SPIRE1: variants seen among roughly 807,000 people sequenced by gnomAD.
SPIRE1 encodes the protein protein spire homolog 1.
SPIRE1 carries 40 observed loss-of-function variants against 94.1 expected under a neutral mutation model. The observed-to-expected ratio is 0.43, with a 90% CI of 0.33 to 0.55. The LOEUF (loss-of-function observed/expected upper bound fraction) is 0.55. SPIRE1 is among the 20% of genes least tolerant of loss of function. The pLI is 0.06. For synonymous variants in SPIRE1, 376 were observed against 371.7 expected (o/e 1.01, Z -0.13); for missense variants, 838 against 975.2 (o/e 0.86, Z 1.87).
At chr18:12,553,722 A>G (rs757765252) in intron 2 of SPIRE1, among the ~76,000 whole-genome samples, 47 of 152,276 alleles carry the variant, frequency 3.1e-4, no homozygotes, top group Non-Finnish European at 5.6e-4. Flanking sequence ...AAACAAACAA[A>G]CAAACAAAAC....
intron 2 of SPIRE1, among the ~76,000 whole-genome samples, chr18:12,551,810 A>C (rs1179054243): frequency 6.6e-6 from 1 of 152,168 alleles, no homozygotes; most frequent in African/African-American, 2.4e-5. Context: ...AACTATCACA[A>C]AAACGGCACC....
At chr18:12,639,710 C>T (rs1406762098) in intron 1 of SPIRE1, among the ~76,000 whole-genome samples, 2 of 151,444 alleles carry the variant, frequency 1.3e-5, no homozygotes, top group East Asian at 1.9e-4. Flanking sequence ...CCAGCCTGGG[C>T]GCAAGAATGA....
At chr18:12,637,744 G>A (rs750119658) in intron 1 of SPIRE1, among the ~76,000 whole-genome samples, 2 of 152,204 alleles carry the variant, frequency 1.3e-5, no homozygotes, top group Non-Finnish European at 2.9e-5. Context: ...TGGGAAATTG[G>A]CTGATTTCAG....
At chr18:12,582,042 C>T (rs2144538940) in intron 2 of SPIRE1, among the ~76,000 whole-genome samples, 1 of 152,272 alleles carries the variant, frequency 6.6e-6, no homozygotes, top group African/African-American at 2.4e-5. Flanking sequence ...TTCCTAACTC[C>T]ACAGATGACT....
intron 2 of SPIRE1, among the ~76,000 whole-genome samples, chr18:12,596,194 A>G (rs76142165): frequency 1.3e-5 from 2 of 152,342 alleles, no homozygotes; most frequent in South Asian, 4.1e-4. Context: ...AGCCATATAT[A>G]TTACCCAACT....
chr18:12,641,832 CTT>C lies in SPIRE1; in HGVS notation c.338-6738_338-6737del, dbSNP rs576748359. 9.5e-3 allele frequency among the ~76,000 whole-genome samples: 1,191 copies of C among 125,036 alleles called. 18 individuals carry two copies. Among genetic ancestry groups the C allele is most frequent in the African/African-American group, 0.031 (1,038 of 33,350 alleles). 82.0% of individuals were successfully genotyped at this position (125,036 alleles called of 152,430 possible). A position where few individuals can be genotyped will look rare whatever the true frequency, so the allele number is the denominator to read the frequency against. On this transcript the variant is annotated intron_variant, in intron 1 of 16. Transcript: ENST00000409402. ...TTTTAAGGGAAAAAAGAATGTTATG[CTT>C]TTTTTTTTTTTTTTTTGAGATGGAG... is the stretch of plus-strand genomic sequence containing the variant.
At chr18:12,530,411 G>A (rs2034649993) in intron 4 of SPIRE1, among the ~76,000 whole-genome samples, 1 of 152,112 alleles carries the variant, frequency 6.6e-6, no homozygotes, top group South Asian at 2.1e-4. Context: ...CTATTACCAA[G>A]GCTGGATGGA....
chr18:12,520,583 AAGAC>A (rs888470285), intron 4 of SPIRE1, among the ~76,000 whole-genome samples: 4 of 152,166 alleles, frequency 2.6e-5, no homozygotes, highest in Admixed American at 6.5e-5. Context: ...AAACAGAAAA[AAGAC>A]AGACAGCAGC....
intron 2 of SPIRE1, among the ~76,000 whole-genome samples, chr18:12,549,110 G>T (rs2035261034): frequency 6.6e-6 from 1 of 152,132 alleles, no homozygotes; most frequent in South Asian, 2.1e-4. Context: ...TCTCACCACA[G>T]GCAGGTGCTG....
chr18:12,575,261 A>G (rs983267969), intron 2 of SPIRE1, among the ~76,000 whole-genome samples: 3 of 152,190 alleles, frequency 2.0e-5, no homozygotes, highest in African/African-American at 7.2e-5. Flanking sequence ...ATCCTCAAAA[A>G]TGGCTAGTTA....
At chr18:12,579,200 T>TATAC (rs2036194681) in intron 2 of SPIRE1, among the ~76,000 whole-genome samples, 1 of 119,108 alleles carries the variant, frequency 8.4e-6, no homozygotes, top group African/African-American at 2.9e-5. Context: ...CACACACACA[T>TATAC]ACACACACAC....
intron 7 of SPIRE1, among the ~76,000 whole-genome samples, chr18:12,495,359 A>G (rs755224126): frequency 1.3e-5 from 2 of 152,242 alleles, no homozygotes; most frequent in Non-Finnish European, 2.9e-5. Flanking sequence ...ATGGATGTAC[A>G]GCAGGTGGAT....
chr18:12,564,705 G>C (rs2035772856), intron 2 of SPIRE1, among the ~76,000 whole-genome samples: 1 of 152,062 alleles, frequency 6.6e-6, no homozygotes, highest in Non-Finnish European at 1.5e-5. Context: ...CCAGCGCCAG[G>C]GTGGGAAAAA....
intron 1 of SPIRE1, among the ~76,000 whole-genome samples, chr18:12,637,407 A>C (rs1348970475): frequency 6.6e-6 from 1 of 151,972 alleles, no homozygotes; most frequent in Non-Finnish European, 1.5e-5. Context: ...TCAGTAGGAT[A>C]TATTCTGAAG....
chr18:12,478,065 G>T (rs1483946452), intron 10 of SPIRE1, among the ~76,000 whole-genome samples: 1 of 151,970 alleles, frequency 6.6e-6, no homozygotes, highest in Non-Finnish European at 1.5e-5. Context: ...TTAGTAATAT[G>T]AATATTTCTT....
At chr18:12,577,477 T>A (rs544741222) in intron 2 of SPIRE1, among the ~76,000 whole-genome samples, 1 of 152,154 alleles carries the variant, frequency 6.6e-6, no homozygotes, top group Non-Finnish European at 1.5e-5. Context: ...ATGTATCATA[T>A]ATCAAAATAT....
intron 2 of SPIRE1, among the ~76,000 whole-genome samples, chr18:12,557,089 T>A (rs2035537127): frequency 2.0e-5 from 3 of 152,212 alleles, no homozygotes; most frequent in Admixed American, 2.0e-4. Context: ...CTTCACCTAG[T>A]GGATCCCGCG....
chr18:12,650,537 C>T (rs1373092741), intron 1 of SPIRE1, among the ~76,000 whole-genome samples: 2 of 151,826 alleles, frequency 1.3e-5, no homozygotes, highest in East Asian at 1.9e-4. Flanking sequence ...GGTGAAACCC[C>T]GTCTCTACTA....
intron 4 of SPIRE1, among the ~76,000 whole-genome samples, chr18:12,513,160 CT>C (rs1316583308): frequency 1.3e-5 from 2 of 152,272 alleles, no homozygotes; most frequent in South Asian, 2.1e-4. Context: ...CTGGCACTTG[CT>C]GATGCTCAAT....
Sources: gnomAD v4.1 joint callset for allele counts (sites outside exome capture counted in the v4.1 genomes callset) on GRCh38, gnomAD v4.1.1 for gene constraint, MANE v1.5 for transcripts, NCBI Gene and HGNC (gene_info 2026-07-23, HGNC 2026-07-21) for gene names.